The following HFM1 variants were observed in gnomAD, a reference collection of about 807,000 sequenced individuals.
HFM1 encodes probable ATP-dependent DNA helicase HFM1.
HFM1 carries 169 observed loss-of-function variants against 192.1 expected under a neutral mutation model. That is an observed-to-expected ratio of 0.88 (90% CI 0.78 to 1.00). The LOEUF (loss-of-function observed/expected upper bound fraction) is 1.00. Among genes scored for constraint, HFM1 ranks in the 50% least tolerant of loss-of-function variants. The probability of loss-of-function intolerance (pLI) is 0.00; values close to 1 mark genes in which losing one functional copy is unlikely to be tolerated. For missense variants in HFM1, 1,661 were observed against 1,668.0 expected (o/e 1.00, Z 0.07); for synonymous variants, 525 against 537.8 (o/e 0.98, Z 0.33).
chr1:91,394,441 A>C lies in HFM1; in HGVS notation c.185-39T>G, dbSNP rs371832362. 2,626 of 1,149,342 alleles carry C rather than the reference A, an allele frequency of 2.3e-3. 5 individuals carry two copies. The highest frequency in any genetic ancestry group is 2.9e-3 in the Non-Finnish European group (2,308 of 809,144). The allele number at this position is 1,149,342 out of a possible 1,614,324, so 71.2% of individuals were successfully genotyped here. A position where few individuals can be genotyped will look rare whatever the true frequency, so the allele number is the denominator to read the frequency against. On this transcript the variant is annotated intron_variant, in intron 3 of 38. Transcript: ENST00000370425. ...ATATCTTAATTATTACATGTTCTCC[A>C]TTAAAGGAAATTTTCAAAATGATGA... is the stretch of plus-strand genomic sequence containing the variant.
chr1:91,278,978 A>G (rs1443492964), intron 30 of HFM1, among the ~76,000 whole-genome samples: 1 of 152,160 alleles, frequency 6.6e-6, no homozygotes, highest in Non-Finnish European at 1.5e-5. Context: ...CTTCTGGCTA[A>G]CACAGATGAC....
chr1:91,329,479 CAA>C, intron 20 of HFM1: 1 of 1,562,548 alleles, frequency 6.4e-7, no homozygotes, highest in Non-Finnish European at 8.7e-7. Flanking sequence ...AAGAAGAAGG[CAA>C]AGACTGGGGC....
intron 2 of HFM1, among the ~76,000 whole-genome samples, chr1:91,398,920 G>A (rs967327822): frequency 4.6e-5 from 7 of 151,844 alleles, no homozygotes; most frequent in East Asian, 1.9e-4. Flanking sequence ...CTCAAACTCC[G>A]GGACTCAAGT....
intron 38 of HFM1, among the ~76,000 whole-genome samples, chr1:91,261,958 C>T (rs1409063490): frequency 3.3e-5 from 5 of 152,130 alleles, no homozygotes; most frequent in African/African-American, 1.2e-4. Flanking sequence ...TTACCCTTTA[C>T]AAAATTAACA....
intron 13 of HFM1, among the ~76,000 whole-genome samples, chr1:91,364,112 G>C (rs937590938): frequency 6.6e-6 from 1 of 151,796 alleles, no homozygotes; most frequent in Non-Finnish European, 1.5e-5. Context: ...GATTTGTACA[G>C]CAATCCACCA....
intron 18 of HFM1, 66 bp from the exon 19 acceptor site, chr1:91,347,542 T>C (rs1656304295): frequency 5.0e-6 from 5 of 993,984 alleles, no homozygotes; most frequent in Middle Eastern, 2.2e-4. Flanking sequence ...ATACCCCAGT[T>C]AACTAGTGAA....
intron 30 of HFM1, among the ~76,000 whole-genome samples, chr1:91,277,362 G>A (rs1362316111): frequency 4.6e-5 from 7 of 150,860 alleles, no homozygotes; most frequent in Non-Finnish European, 1.0e-4. Flanking sequence ...TGGGACTACA[G>A]GCACTTACCA....
intron 28 of HFM1, among the ~76,000 whole-genome samples, chr1:91,314,374 C>A (rs1313609826): frequency 3.9e-5 from 6 of 152,172 alleles, no homozygotes; most frequent in Non-Finnish European, 8.8e-5. Flanking sequence ...CTGCCTCGGT[C>A]TCCCGAGTAG....
At chr1:91,311,948 C>A (rs1312390855) in intron 30 of HFM1, among the ~76,000 whole-genome samples, 1 of 152,186 alleles carries the variant, frequency 6.6e-6, no homozygotes, top group African/African-American at 2.4e-5. Context: ...GGTCAACATA[C>A]AGCTCCAGCT....
chr1:91,406,522 G>C (rs754360834), upstream of HFM1, among the ~76,000 whole-genome samples: 5 of 152,174 alleles, frequency 3.3e-5, no homozygotes, highest in South Asian at 2.1e-4. Context: ...TTAAAAGGAA[G>C]CCTCAGGACA....
intron 36 of HFM1, among the ~76,000 whole-genome samples, chr1:91,264,960 T>A (rs1665607199): frequency 6.6e-6 from 1 of 152,166 alleles, no homozygotes; most frequent in Non-Finnish European, 1.5e-5. Flanking sequence ...AACTATCATA[T>A]CCTATCAATT....
rs115764906 is a variant in HFM1, at chr1:91,282,349, A to G, written c.3392-5287T>C. On this transcript the variant is annotated intron_variant, in intron 30 of 38. Transcript: ENST00000370425. ...TCTTTTTATTTTAAAATGGCATCCT[A>G]TTCAGTTTTGTGGTTGCAATTTAAT... 8.4e-3 allele frequency among the ~76,000 whole-genome samples: 1,265 copies of G among 150,866 alleles called. 21 individuals are homozygous for G. The highest frequency in any genetic ancestry group is 0.029 in the African/African-American group (1,173 of 41,042).
intron 36 of HFM1, among the ~76,000 whole-genome samples, chr1:91,265,015 A>C (rs953027482): frequency 6.6e-6 from 1 of 152,024 alleles, no homozygotes; most frequent in Non-Finnish European, 1.5e-5. Context: ...TAAAAATCCA[A>C]CCCTACCTCT....
At chr1:91,263,413 A>G (rs1015494836) in intron 36 of HFM1, among the ~76,000 whole-genome samples, 1 of 152,136 alleles carries the variant, frequency 6.6e-6, no homozygotes, top group Non-Finnish European at 1.5e-5. Flanking sequence ...AAATATATAT[A>G]CATGGCAAGG....
chr1:91,405,479 A>G (rs1664757392), upstream of HFM1, among the ~76,000 whole-genome samples: 1 of 152,218 alleles, frequency 6.6e-6, no homozygotes, highest in African/African-American at 2.4e-5. Flanking sequence ...AGAGACATTT[A>G]TCTTTCCTTT....
intron 19 of HFM1, among the ~76,000 whole-genome samples, chr1:91,345,391 A>G (rs764449589): frequency 5.3e-5 from 8 of 152,206 alleles, no homozygotes; most frequent in Middle Eastern, 3.2e-3. Context: ...GAAAGTGATA[A>G]GAGATGTAGT....
chr1:91,352,543 T>C lies in HFM1; in HGVS notation c.1940A>G (p.Asp647Gly), dbSNP rs796915736. ...GGLFEEYSET[D>G]ILQMIGRAGR... is the part of the protein sequence containing the mutation. Reference sequence around the variant, plus strand: ...AGCTCTACCAATCATCTGTAGAATATCTGTTTCACTGTACTCTTCAAACAG... The same window carrying C: ...AGCTCTACCAATCATCTGTAGAATACCTGTTTCACTGTACTCTTCAAACAG... The change falls in exon 16 of 39, where the codon GAT (aspartate) becomes GGT (glycine). Residue 647 changes from aspartate (D) to glycine (G), a missense_variant. Asp to Gly is a moderately conservative substitution (Grantham distance 94). Coordinates refer to ENST00000370425, the MANE Select transcript of HFM1 (RefSeq NM_001017975.6). 1.2e-6 allele frequency: 2 copies of C among 1,608,112 alleles called. No individual in the cohort carries two copies. Among genetic ancestry groups the C allele is most frequent in the Non-Finnish European group, 1.7e-6 (2 of 1,176,982 alleles).
rs1220630623 is a variant in HFM1 at position 91,324,769 on chromosome 1, G to C, written c.2336-3C>G. On this transcript the variant is annotated splice_region_variant and splice_polypyrimidine_tract_variant and intron_variant, in intron 20 of 38. Coordinates refer to ENST00000370425, the MANE Select transcript of HFM1 (RefSeq NM_001017975.6). ...CCAAGCCATCAATCTTCCTGCTTCT[G>C]TAAGAAAAGACAGAAAAATGAACGG... 6.6e-7 allele frequency: 1 copy of C among 1,514,914 alleles called. No individual in the cohort carries two copies. The highest frequency in any genetic ancestry group is 1.7e-5 in the Admixed American group (1 of 59,192). 93.8% of individuals were successfully genotyped at this position (1,514,914 alleles called of 1,614,324 possible). A position where few individuals can be genotyped will look rare whatever the true frequency, so the allele number is the denominator to read the frequency against.
rs1327785845 is a variant in HFM1 at position 91,385,576 on chromosome 1, T to C, written c.753A>G (p.Gln251=). The change falls in exon 5 of 39, where the codon CAA becomes CAG. Residue 251 remains glutamine (Q), a splice_region_variant and synonymous_variant. Transcript: ENST00000370425. ...TGAACTGAAAAAGCAAGAAATTACC[T>C]TGAATATCATGAGGTTGGAAAGCAA... The part of the protein sequence containing the change: ...FSVAFQPHDI[Q]EVTENGLGSL... The C allele has an allele frequency of 6.2e-7, 1 of 1,608,974 alleles. No homozygotes were observed. The highest frequency in any genetic ancestry group is 8.5e-7 in the Non-Finnish European group (1 of 1,176,692).
Sources: allele counts gnomAD v4.1 joint callset (sites outside exome capture counted in the v4.1 genomes callset), GRCh38; gene constraint gnomAD v4.1.1; transcripts MANE v1.5; gene names NCBI Gene and HGNC (gene_info 2026-07-23, HGNC 2026-07-21).